Variants in NLRP5 observed in about 807,000 individuals in gnomAD.
The protein encoded by NLRP5 is NACHT, LRR and PYD domains-containing protein 5.
NLRP5 carries 93 observed loss-of-function variants against 113.1 expected under a neutral mutation model. The ratio of observed to expected loss-of-function variants is 0.82; its 90% CI spans 0.70 to 0.98. NLRP5 has a LOEUF of 0.98. Ranked by LOEUF, NLRP5 falls within the 50% of genes least tolerant of loss-of-function variation. NLRP5 has a pLI of 0.00. For missense variants in NLRP5, 1,808 were observed against 1,514.3 expected (o/e 1.19, Z -3.22); for synonymous variants, 751 against 600.7 (o/e 1.25, Z -3.66).
chr19:55,987,593 G>T, the NLRP5 span, among the ~76,000 whole-genome samples: 1 of 152,308 alleles, frequency 6.6e-6, no homozygotes, highest in South Asian at 2.1e-4. Flanking sequence ...TAAATGGCTT[G>T]CCTGGGGTAG....
intron 10 of NLRP5, among the ~76,000 whole-genome samples, 178 bp from the exon 11 acceptor site, chr19:56,040,744 C>A (rs555289198): frequency 6.6e-6 from 1 of 152,242 alleles, no homozygotes; most frequent in Non-Finnish European, 1.5e-5. Flanking sequence ...TCTTTTGGGG[C>A]TGATGCACTG....
intron 11 of NLRP5, among the ~76,000 whole-genome samples, chr19:56,047,461 T>A (rs1421088201): frequency 1.1e-4 from 3 of 28,202 alleles, no homozygotes; most frequent in East Asian, 4.2e-4. Flanking sequence ...AAGAATTTTT[T>A]AATTTCTGTA....
chr19:56,005,642 A>ACATGCG (rs1555763942), intron 2 of NLRP5, among the ~76,000 whole-genome samples: 45 of 142,122 alleles, frequency 3.2e-4, no homozygotes, highest in African/African-American at 1.2e-3. Context: ...ACACACACAC[A>ACATGCG]CGCGCGCAGG....
the NLRP5 span, among the ~76,000 whole-genome samples, chr19:55,991,102 T>C: frequency 6.6e-6 from 1 of 152,190 alleles, no homozygotes; most frequent in African/African-American, 2.4e-5. Context: ...TCAGCGGGAC[T>C]TTAAAGATTT....
rs759427941 is a variant in NLRP5, at chr19:56,008,838, AAGGAAAAAGTGCC to A, written c.497_508+1del. 2 of 1,612,598 alleles carry A rather than the reference AAGGAAAAAGTGCC, an allele frequency of 1.2e-6. No individual in the cohort carries two copies. On this transcript the variant is annotated frameshift_variant and splice_region_variant, in exon 3 of 15. Coordinates refer to ENST00000390649, the MANE Select transcript of NLRP5 (RefSeq NM_153447.4). LOFTEE classifies it high-confidence loss of function. ...AACGATGACTGACCAAGGACCAAGC[AAGGAAAAAGTGCC>A]AGGTTAGAGGGGTGGAGTTGGGGGA...
At chr19:55,995,636 G>A (rs961082076), upstream of NLRP5, among the ~76,000 whole-genome samples, 10 of 152,134 alleles carry the variant, frequency 6.6e-5, no homozygotes, top group African/African-American at 1.9e-4. Context: ...AATGTCGTTG[G>A]TGTTTTGATA....
the NLRP5 span, among the ~76,000 whole-genome samples, chr19:55,990,086 T>C: frequency 0.24 from 8,684 of 35,746 alleles, 461 homozygotes; most frequent in South Asian, 0.34. Context: ...TTTCTTTTTT[T>C]TTTTTTTTTT....
intron 9 of NLRP5, among the ~76,000 whole-genome samples, chr19:56,034,248 G>A (rs990339181): frequency 1.3e-5 from 2 of 152,130 alleles, no homozygotes; most frequent in Admixed American, 6.5e-5. Flanking sequence ...AATTAGCCAG[G>A]CGTGGCAGCC....
At chr19:55,999,689 C>T (rs368099757), upstream of NLRP5, 7 of 1,496,360 alleles carry the variant, frequency 4.7e-6, no homozygotes, top group East Asian at 1.6e-4. Context: ...GAGAGCCCAG[C>T]CTTCGATGTT....
At chr19:56,023,808 T>C (rs576578963) in intron 6 of NLRP5, among the ~76,000 whole-genome samples, 98 of 152,206 alleles carry the variant, frequency 6.4e-4, no homozygotes, top group Non-Finnish European at 1.3e-3. Flanking sequence ...ATTCAGAGGA[T>C]ACAACTACAA....
intron 13 of NLRP5, among the ~76,000 whole-genome samples, chr19:56,054,373 C>T (rs1984047946): frequency 6.6e-6 from 1 of 152,144 alleles, no homozygotes; most frequent in African/African-American, 2.4e-5. Context: ...GCTGGGCCAA[C>T]ACTGGGAAAC....
At chr19:55,994,559 A>C in the NLRP5 span, among the ~76,000 whole-genome samples, 2 of 152,014 alleles carry the variant, frequency 1.3e-5, no homozygotes, top group Admixed American at 1.3e-4. Context: ...CACCACACCC[A>C]GCTAATTTTT....
intron 11 of NLRP5, among the ~76,000 whole-genome samples, chr19:56,046,424 T>TGTGTGTGTGTGTGTGTG (rs1312407586): frequency 2.8e-5 from 2 of 72,632 alleles, no homozygotes; most frequent in African/African-American, 4.6e-5. Flanking sequence ...GTGTGTGTGT[T>TGTGTGTGTGTGTGTGTG]TCTGTTACGT....
At chr19:56,018,726 A>G (rs1451256746) in intron 4 of NLRP5, 2 of 152,896 alleles carry the variant, frequency 1.3e-5, no homozygotes, top group Admixed American at 1.3e-4. Flanking sequence ...CAGCCTCCCA[A>G]GTAGCTGGGA....
At chr19:56,057,157 T>G (rs758494672) in intron 13 of NLRP5, among the ~76,000 whole-genome samples, 6 of 152,164 alleles carry the variant, frequency 3.9e-5, no homozygotes, top group Non-Finnish European at 5.9e-5. Context: ...TTTTTTCTTT[T>G]TCAATCTAGA....
chr19:56,026,401 A>G (rs1217060777), intron 6 of NLRP5, among the ~76,000 whole-genome samples: 3 of 150,924 alleles, frequency 2.0e-5, no homozygotes, highest in Non-Finnish European at 4.4e-5. Flanking sequence ...GGTGGCAGGC[A>G]CCTGTAGTCC....
chr19:56,058,146 CA>C, intron 13 of NLRP5, 93 bp from the exon 14 acceptor site: 1 of 987,162 alleles, frequency 1.0e-6, no homozygotes, highest in Non-Finnish European at 1.4e-6. Flanking sequence ...TTTGTTTTCC[CA>C]AAGAAAAAGT....
chr19:56,030,714 CTTTT>C (rs770624516), intron 7 of NLRP5, among the ~76,000 whole-genome samples: 4 of 71,356 alleles, frequency 5.6e-5, no homozygotes, highest in African/African-American at 7.2e-5. Context: ...CTTTCTTCTT[CTTTT>C]TTTTTTTTTT....
chr19:55,999,674 C>T, upstream of NLRP5: 1 of 1,386,250 alleles, frequency 7.2e-7, no homozygotes, highest in Non-Finnish European at 1.0e-6. Context: ...TTCCAGCTTC[C>T]AGAGGAGAGC....
Sources: allele counts gnomAD v4.1 joint callset (sites outside exome capture counted in the v4.1 genomes callset), GRCh38; gene constraint gnomAD v4.1.1; transcripts MANE v1.5; gene names NCBI Gene and HGNC (gene_info 2026-07-23, HGNC 2026-07-21).